INSR: variants seen among roughly 807,000 people sequenced by gnomAD.
INSR encodes the protein IR.
In INSR, 67 loss-of-function variants were observed where a neutral mutation model predicts 142.6. The observed-to-expected ratio is 0.47, with a 90% confidence interval of 0.39 to 0.58. INSR has a LOEUF of 0.58. INSR is among the 20% of genes least tolerant of loss of function. The pLI is 0.00. For missense variants in INSR, 1,248 were observed against 1,833.2 expected (o/e 0.68, Z 5.83); for synonymous variants, 756 against 743.1 (o/e 1.02, Z -0.28).
chr19:7,282,028 G>A (rs189937413), intron 1 of INSR, among the ~76,000 whole-genome samples: 72 of 152,282 alleles, frequency 4.7e-4, no homozygotes, highest in African/African-American at 1.7e-3. Context: ...GGCACCGCAG[G>A]ATAGCAAAGC....
chr19:7,257,677 A>G lies in INSR; in HGVS notation c.652+9668T>C, dbSNP rs969270522. Among the ~76,000 whole-genome samples the G allele has an allele frequency of 4.6e-5, 7 of 151,484 alleles. No homozygotes were observed. In the East Asian group the frequency reaches 5.8e-4, roughly 13 times the overall value. On this transcript the variant is annotated intron_variant, in intron 2 of 21. Transcript: ENST00000302850. ...CTCAAAAAGTAAGGAAGGAAGGAAG[A>G]AAGGAAGGAGGGAAGAAAGAAAAGG...
intron 2 of INSR, among the ~76,000 whole-genome samples, chr19:7,217,554 T>C (rs1006880911): frequency 2.0e-5 from 3 of 152,210 alleles, no homozygotes; most frequent in Non-Finnish European, 4.4e-5. Flanking sequence ...TCGAGTGATA[T>C]CTTTTTTCTT....
chr19:7,137,130 C>A (rs1972949231), intron 13 of INSR, among the ~76,000 whole-genome samples: 1 of 151,990 alleles, frequency 6.6e-6, no homozygotes, highest in Non-Finnish European at 1.5e-5. Context: ...CTGCTCCTGG[C>A]CTAAAACTTT....
At chr19:7,286,839 A>C (rs368171408) in intron 1 of INSR, among the ~76,000 whole-genome samples, 2 of 151,308 alleles carry the variant, frequency 1.3e-5, no homozygotes, top group East Asian at 3.9e-4. Context: ...AGGCCACCCC[A>C]AGAAGTATTC....
chr19:7,205,459 G>T (rs561423022), intron 2 of INSR, among the ~76,000 whole-genome samples: 1 of 152,284 alleles, frequency 6.6e-6, no homozygotes, highest in East Asian at 1.9e-4. Flanking sequence ...CCTCATGTCT[G>T]CCATGCAATC....
chr19:7,226,413 GAAAAA>G (rs71177176), intron 2 of INSR, among the ~76,000 whole-genome samples: 3 of 89,638 alleles, frequency 3.3e-5, no homozygotes, highest in Non-Finnish European at 6.1e-5. Flanking sequence ...CGTCTCAAGG[GAAAAA>G]AAAAAAAAAA....
chr19:7,205,960 A>G (rs1349299363), intron 2 of INSR, among the ~76,000 whole-genome samples: 1 of 152,114 alleles, frequency 6.6e-6, no homozygotes, highest in East Asian at 1.9e-4. Flanking sequence ...TTATGGTATC[A>G]GGTCGACCTG....
chr19:7,117,417 G>C lies in INSR; in HGVS notation c.3795-7C>G. On this transcript the variant is annotated splice_polypyrimidine_tract_variant and splice_region_variant and intron_variant, in intron 21 of 21. Transcript: ENST00000302850. Reference sequence around the variant, plus strand: ...CATGCGCATGAGGTCAGTGCTGCGGGGCAGAAGGACACGTCCTGGGTGAGT... The same window carrying C: ...CATGCGCATGAGGTCAGTGCTGCGGCGCAGAAGGACACGTCCTGGGTGAGT... 1 of 1,607,328 alleles carries C rather than the reference G, an allele frequency of 6.2e-7. No individual in the cohort carries two copies. Among genetic ancestry groups the C allele is most frequent in the Non-Finnish European group, 8.5e-7 (1 of 1,174,652 alleles).
chr19:7,165,898 A>G (rs1354499309), intron 8 of INSR, among the ~76,000 whole-genome samples: 5 of 151,276 alleles, frequency 3.3e-5, no homozygotes, highest in Non-Finnish European at 7.4e-5. Context: ...ACATGGTGGT[A>G]TACTCTGGTA....
intron 2 of INSR, among the ~76,000 whole-genome samples, chr19:7,260,819 C>T (rs1297249249): frequency 6.6e-6 from 1 of 151,946 alleles, no homozygotes; most frequent in East Asian, 1.9e-4. Context: ...CTTGAACCAG[C>T]TTGTGACCAG....
Position 7,119,662 on chromosome 19 carries a change from G to T in INSR, c.3660-79C>A. 3 of 1,485,936 alleles carry T rather than the reference G, an allele frequency of 2.0e-6. No individual in the cohort carries two copies. In the South Asian group the frequency reaches 3.4e-5, roughly 17 times the overall value. 92.0% of individuals were successfully genotyped at this position (1,485,936 alleles called of 1,614,324 possible). A position where few individuals can be genotyped will look rare whatever the true frequency, so the allele number is the denominator to read the frequency against. On this transcript the variant is annotated intron_variant, in intron 20 of 21. Coordinates refer to ENST00000302850, the MANE Select transcript of INSR (RefSeq NM_000208.4). This position sits in a 1 kb window ranked among gnomAD's most constrained non-coding sequence, Gnocchi z 5.2. ...CACGCGCGCGCGCAAACACACACAC[G>T]CAAACGCACACACACACGCAAACAC...
At chr19:7,263,510 C>T (rs764523166) in intron 2 of INSR, among the ~76,000 whole-genome samples, 3 of 152,116 alleles carry the variant, frequency 2.0e-5, no homozygotes, top group African/African-American at 7.2e-5. Flanking sequence ...GCACCTTCTC[C>T]GGGTAACAAA....
At position 7,166,032 on chromosome 19, in the gene INSR, T is replaced by TAAA. The variant is rs57156578; in HGVS notation, c.1861+119_1861+121dup. On this transcript the variant is annotated intron_variant, in intron 8 of 21. Coordinates refer to ENST00000302850, the MANE Select transcript of INSR (RefSeq NM_000208.4). The surrounding 1 kb of genome is among the most constrained non-coding windows in gnomAD (Gnocchi z 4.1). ...CTGGGTGACAAAGTAAGACCCTGTC[T>TAAA]AAAAAAAAAAAAAAAGCCAATAACC... 279 of 968,228 alleles carry TAAA rather than the reference T, an allele frequency of 2.9e-4. No homozygotes were observed. The highest frequency in any genetic ancestry group is 5.1e-4 in the Middle Eastern group (2 of 3,922). 60.0% of individuals were successfully genotyped at this position (968,228 alleles called of 1,614,324 possible).
Position 7,166,527 on chromosome 19 carries a change from G to T in INSR, c.1611-123C>A. On this transcript the variant is annotated intron_variant, in intron 7 of 21. Coordinates refer to ENST00000302850, the MANE Select transcript of INSR (RefSeq NM_000208.4). This position sits in a 1 kb window ranked among gnomAD's most constrained non-coding sequence, Gnocchi z 4.1. ...CATGTTACTCACCCAACAATCTAAT[G>T]CCACAAGAAAAAATAACTCGGGAAC... 1.8e-6 allele frequency: 2 copies of T among 1,101,298 alleles called. No individual in the cohort carries two copies. Among genetic ancestry groups the T allele is most frequent in the Non-Finnish European group, 2.7e-6 (2 of 751,202 alleles). The allele number at this position is 1,101,298 out of a possible 1,614,324, so 68.2% of individuals were successfully genotyped here. A position where few individuals can be genotyped will look rare whatever the true frequency, so the allele number is the denominator to read the frequency against.
intron 2 of INSR, among the ~76,000 whole-genome samples, chr19:7,209,177 T>C (rs922190189): frequency 6.6e-6 from 1 of 152,010 alleles, no homozygotes; most frequent in African/African-American, 2.4e-5. Flanking sequence ...ATAAATAAAA[T>C]TAGCTGGGCA....
At position 7,237,328 on chromosome 19, in the gene INSR, C is replaced by G. The variant is rs1313368426; in HGVS notation, c.652+30017G>C. ...GGTCAGGAGTTCCAGACCAGCCTGG[C>G]CAATATGGTGAAACCCCGTCTCTAC... On this transcript the variant is annotated intron_variant, in intron 2 of 21. Transcript: ENST00000302850. 3.3e-5 allele frequency among the ~76,000 whole-genome samples: 5 copies of G among 151,566 alleles called. No individual in the cohort carries two copies. The East Asian group carries it at 9.7e-4, about 29-fold the overall frequency.
intron 1 of INSR, among the ~76,000 whole-genome samples, chr19:7,287,022 T>C (rs928735775): frequency 6.6e-6 from 1 of 151,778 alleles, no homozygotes; most frequent in Non-Finnish European, 1.5e-5. Context: ...AATTTTTGTT[T>C]TATTGTTAGT....
intron 1 of INSR, among the ~76,000 whole-genome samples, chr19:7,270,892 C>G (rs1967906359): frequency 6.6e-6 from 1 of 151,914 alleles, no homozygotes; most frequent in Non-Finnish European, 1.5e-5. Context: ...AACTCCGTCT[C>G]TACTAAAAAA....
chr19:7,243,255 T>TTG (rs1397885736), intron 2 of INSR, among the ~76,000 whole-genome samples: 5 of 136,192 alleles, frequency 3.7e-5, no homozygotes, highest in Non-Finnish European at 7.9e-5. Flanking sequence ...TTTTTTTTTT[T>TTG]TTTTTTTTGA....
Sources: allele counts gnomAD v4.1 joint callset (sites outside exome capture counted in the v4.1 genomes callset), GRCh38; gene constraint gnomAD v4.1.1; non-coding constraint Gnocchi (gnomAD v3.1); transcripts MANE v1.5; gene names NCBI Gene and HGNC (gene_info 2026-07-23, HGNC 2026-07-21).